The following LRP1B variants were observed in gnomAD, a reference collection of about 807,000 sequenced individuals.
LRP1B encodes the protein LDL receptor related protein 1B.
Under a neutral mutation model 556.6 loss-of-function variants are expected in LRP1B, and 217 were observed. The ratio of observed to expected loss-of-function variants is 0.39; its 90% CI spans 0.35 to 0.44. The LOEUF is 0.44. Among genes scored for constraint, LRP1B ranks in the 20% least tolerant of loss-of-function variants. The pLI, the probability that LRP1B is intolerant of heterozygous loss-of-function variation, is 1.00. For synonymous variants in LRP1B, 2,047 were observed against 1,865.8 expected (o/e 1.10, Z -2.50); for missense variants, 5,053 against 5,620.8 (o/e 0.90, Z 3.23).
chr2:140,542,044 T>C, intron 43 of LRP1B, 73 bp from the exon 44 acceptor site: 1 of 1,001,904 alleles, frequency 1.0e-6, no homozygotes. Context: ...TATTTTTGCT[T>C]CAAAAATAAA....
intron 41 of LRP1B, among the ~76,000 whole-genome samples, chr2:140,682,675 C>T (rs1027259909): frequency 1.1e-4 from 16 of 149,546 alleles, no homozygotes; most frequent in Admixed American, 2.7e-4. Context: ...GAGAGTATTG[C>T]GTGTGTGTGT....
At chr2:142,005,886 GAA>G (rs1418361673) in intron 1 of LRP1B, among the ~76,000 whole-genome samples, 3 of 100,520 alleles carry the variant, frequency 3.0e-5, no homozygotes, top group Admixed American at 1.0e-4. Flanking sequence ...ATCCTCTCAT[GAA>G]AAAAAAAAAG....
intron 41 of LRP1B, among the ~76,000 whole-genome samples, chr2:140,689,835 C>T (rs1427731548): frequency 3.9e-5 from 6 of 152,102 alleles, no homozygotes; most frequent in East Asian, 1.9e-4. Flanking sequence ...CTCTTTCACA[C>T]GGATATAACT....
At chr2:140,345,612 A>G (rs1681608391) in intron 77 of LRP1B, among the ~76,000 whole-genome samples, 1 of 148,810 alleles carries the variant, frequency 6.7e-6, no homozygotes, top group African/African-American at 2.5e-5. Context: ...TTTAATGTGT[A>G]TCTCTAGCCC....
At chr2:141,463,565 T>C (rs13021648) in intron 3 of LRP1B, among the ~76,000 whole-genome samples, 1 of 58,956 alleles carries the variant, frequency 1.7e-5, no homozygotes, top group African/African-American at 5.2e-5. Context: ...ATAATATATA[T>C]TATATATTAT....
chr2:141,017,225 T>C (rs1697925640), intron 12 of LRP1B, among the ~76,000 whole-genome samples: 2 of 151,936 alleles, frequency 1.3e-5, no homozygotes, highest in Admixed American at 6.6e-5. Flanking sequence ...TGTAGTTAGG[T>C]ATAACTACTT....
intron 2 of LRP1B, among the ~76,000 whole-genome samples, chr2:141,686,627 T>C (rs556863180): frequency 1.3e-5 from 2 of 152,006 alleles, no homozygotes; most frequent in South Asian, 2.1e-4. Context: ...ACTTCTGCTT[T>C]ACTCTCAGAC....
chr2:140,849,198 T>TAG (rs1352302960), intron 29 of LRP1B, among the ~76,000 whole-genome samples: 2,247 of 16,830 alleles, frequency 0.13, 96 homozygotes, highest in African/African-American at 0.3. Flanking sequence ...CTACTAAAAA[T>TAG]ACAAAAAAAA....
intron 18 of LRP1B, among the ~76,000 whole-genome samples, chr2:140,966,975 G>A (rs946215043): frequency 3.3e-5 from 5 of 152,112 alleles, no homozygotes; most frequent in African/African-American, 9.7e-5. Context: ...GTCAGGTAGA[G>A]TGATGCCTCC....
rs3063860 is a variant in LRP1B, at chr2:141,228,582, A to AGTGTGTGTGTGT, written c.850+589_850+600dup. The stretch of plus-strand genomic sequence containing the variant: ...GCATCCCTGGGTGTCTGTGTGTATG[A>AGTGTGTGTGTGT]GTGTGTGTGTGTGTGTGTGTGTGTG... On this transcript the variant is annotated intron_variant, in intron 6 of 90. Coordinates refer to ENST00000389484, the MANE Select transcript of LRP1B (RefSeq NM_018557.3). Among the ~76,000 whole-genome samples, 218 of 146,396 alleles carry AGTGTGTGTGTGT rather than the reference A, an allele frequency of 1.5e-3. 1 individual carries two copies. The highest frequency in any genetic ancestry group is 3.6e-3 in the African/African-American group (144 of 39,692).
intron 66 of LRP1B, among the ~76,000 whole-genome samples, chr2:140,404,766 G>A (rs1684660282): frequency 6.6e-6 from 1 of 152,016 alleles, no homozygotes; most frequent in South Asian, 2.1e-4. Context: ...AAACCAAAAG[G>A]GAGCAGGAGT....
chr2:140,827,042 G>A (rs1050645945), intron 31 of LRP1B, among the ~76,000 whole-genome samples: 2 of 152,108 alleles, frequency 1.3e-5, no homozygotes, highest in East Asian at 3.9e-4. Flanking sequence ...ACACCTGTGA[G>A]AGCCAAGGTA....
intron 77 of LRP1B, among the ~76,000 whole-genome samples, chr2:140,340,348 G>A (rs825432): frequency 0.18 from 26,692 of 151,408 alleles, 3,051 homozygotes; most frequent in African/African-American, 0.33. Flanking sequence ...ACAGTAAATT[G>A]TATAACAGTT....
chr2:141,088,660 C>A (rs1700104049), intron 7 of LRP1B, among the ~76,000 whole-genome samples: 1 of 152,088 alleles, frequency 6.6e-6, no homozygotes, highest in African/African-American at 2.4e-5. Flanking sequence ...TTATTGAGTG[C>A]CTACTCTGTG....
At chr2:141,269,009 T>A (rs528151359) in intron 3 of LRP1B, among the ~76,000 whole-genome samples, 1 of 152,282 alleles carries the variant, frequency 6.6e-6, no homozygotes, top group Admixed American at 6.5e-5. Flanking sequence ...AGCAGAGGTA[T>A]AACTCTAAGA....
At chr2:141,074,853 T>G (rs1303458464) in intron 7 of LRP1B, among the ~76,000 whole-genome samples, 1 of 152,138 alleles carries the variant, frequency 6.6e-6, no homozygotes, top group African/African-American at 2.4e-5. Flanking sequence ...AAATTATTAC[T>G]TTGTTCAGTT....
At chr2:142,039,093 C>A (rs1703980843) in intron 1 of LRP1B, among the ~76,000 whole-genome samples, 1 of 151,524 alleles carries the variant, frequency 6.6e-6, no homozygotes, top group Non-Finnish European at 1.5e-5. Context: ...GACACAGCCA[C>A]ATTTTCTCCC....
chr2:140,607,847 A>G (rs900942575), intron 41 of LRP1B, among the ~76,000 whole-genome samples: 17 of 152,046 alleles, frequency 1.1e-4, no homozygotes, highest in Non-Finnish European at 5.9e-5. Flanking sequence ...AATGATTAAC[A>G]TGGATAATTT....
At position 141,055,171 on chromosome 2, in the gene LRP1B, C is replaced by T. The variant is rs1699144710; in HGVS notation, c.1497G>A (p.Arg499=). 6.2e-7 allele frequency: 1 copy of T among 1,612,402 alleles called. No homozygotes were observed. The highest frequency in any genetic ancestry group is 8.5e-7 in the Non-Finnish European group (1 of 1,179,070). The change falls in exon 10 of 91, where the codon CGG becomes CGA. Residue 499 remains arginine (R), a synonymous_variant. Transcript: ENST00000389484. Reference sequence around the variant, plus strand: ...TGAAGCCAGTCCTGCAGCGACAAGTCCGAGTTTTGTAACTGCTGCTGAGTA... The same window carrying T: ...TGAAGCCAGTCCTGCAGCGACAAGTTCGAGTTTTGTAACTGCTGCTGAGTA... The part of the protein sequence containing the change: ...ICLLSSSYKT[R]TCRCRTGFNL...
Sources: gnomAD v4.1 joint callset for allele counts (sites outside exome capture counted in the v4.1 genomes callset) on GRCh38, gnomAD v4.1.1 for gene constraint, MANE v1.5 for transcripts, NCBI Gene and HGNC (gene_info 2026-07-23, HGNC 2026-07-21) for gene names.